Variants in CBX1 observed in about 807,000 individuals in gnomAD.
CBX1 encodes the protein chromobox 1, also known as chromobox protein homolog 1.
In CBX1, 10 loss-of-function variants were observed where a neutral mutation model predicts 25.1. The ratio of observed to expected loss-of-function variants is 0.40; its 90% CI spans 0.25 to 0.68. The LOEUF is 0.68. CBX1 is among the 30% of genes least tolerant of loss of function. The probability of loss-of-function intolerance (pLI) is 0.40; values close to 1 mark genes in which losing one functional copy is unlikely to be tolerated. For missense variants in CBX1, 106 were observed against 218.5 expected, an observed-to-expected ratio of 0.49 and a Z score of 3.25; for synonymous variants, 63 against 79.4, an observed-to-expected ratio of 0.79 and a Z score of 1.10.
At chr17:48,090,463 A>C (rs2063338546) in intron 1 of CBX1, among the ~76,000 whole-genome samples, 1 of 152,140 alleles carries the variant, frequency 6.6e-6, no homozygotes, top group Non-Finnish European at 1.5e-5. Flanking sequence ...TCTCTCACTA[A>C]ATCCTGGTAA....
rs796402995 is a variant in CBX1 at position 48,082,929 on chromosome 17, C to T, written c.-37-5888G>A. 2.5e-4 allele frequency among the ~76,000 whole-genome samples: 37 copies of T among 147,446 alleles called. 3 individuals are homozygous for T. The highest frequency in any genetic ancestry group is 6.7e-4 in the Admixed American group (10 of 14,950). On this transcript the variant is annotated intron_variant, in intron 1 of 4. Transcript: ENST00000225603. Reference sequence around the variant, plus strand: ...TCACCCAGGCTGGAGTGCAACAACGCGATCTCAGCTCACCACCACCTCGGC... The same window carrying T: ...TCACCCAGGCTGGAGTGCAACAACGTGATCTCAGCTCACCACCACCTCGGC...
intron 1 of CBX1, among the ~76,000 whole-genome samples, chr17:48,098,809 C>A (rs2063390387): frequency 6.6e-6 from 1 of 152,224 alleles, no homozygotes. Context: ...AAATCTCTTA[C>A]ACCACTGCAG....
chr17:48,077,067 G>GT, intron 1 of CBX1, 26 bp from the exon 2 acceptor site: 2 of 1,547,554 alleles, frequency 1.3e-6, no homozygotes, highest in Non-Finnish European at 1.7e-6. Flanking sequence ...AAATAAAAAG[G>GT]GCATTAGGGA....
intron 1 of CBX1, among the ~76,000 whole-genome samples, chr17:48,090,335 A>G (rs975131374): frequency 6.6e-6 from 1 of 152,152 alleles, no homozygotes; most frequent in Non-Finnish European, 1.5e-5. Flanking sequence ...TTACATGTAT[A>G]TATTTTTTTC....
intron 1 of CBX1, among the ~76,000 whole-genome samples, chr17:48,077,319 G>T (rs959713247): frequency 6.6e-6 from 1 of 151,022 alleles, no homozygotes; most frequent in African/African-American, 2.4e-5. Flanking sequence ...GCAAAGTGGC[G>T]CAATCTCGGC....
chr17:48,092,370 C>G (rs1383909167), intron 1 of CBX1, among the ~76,000 whole-genome samples: 1 of 151,574 alleles, frequency 6.6e-6, no homozygotes, highest in Non-Finnish European at 1.5e-5. Context: ...GTAATCCCAG[C>G]AGTTTAGGAG....
chr17:48,080,707 G>A (rs1183858916), intron 1 of CBX1, among the ~76,000 whole-genome samples: 1 of 151,136 alleles, frequency 6.6e-6, no homozygotes, highest in Non-Finnish European at 1.5e-5. Context: ...CAGATCACAA[G>A]GTCAGGAGTT....
chr17:48,086,482 G>A (rs1335997985), intron 1 of CBX1, among the ~76,000 whole-genome samples: 2 of 152,200 alleles, frequency 1.3e-5, no homozygotes, highest in African/African-American at 4.8e-5. Context: ...AATTATAAAT[G>A]TGAGGCCATG....
chr17:48,095,298 G>A (rs1211985376), intron 1 of CBX1, among the ~76,000 whole-genome samples: 1 of 152,084 alleles, frequency 6.6e-6, no homozygotes, highest in Non-Finnish European at 1.5e-5. Context: ...CAATAAAGAT[G>A]GATGTCTCAG....
intron 4 of CBX1, 40 bp from the exon 5 acceptor site, chr17:48,071,619 T>C: frequency 1.3e-6 from 2 of 1,555,782 alleles, no homozygotes; most frequent in Non-Finnish European, 1.7e-6. Context: ...GACCAGGTGC[T>C]GGTGGTCTAT....
At position 48,077,044 on chromosome 17, in the gene CBX1, A is replaced by G; in HGVS notation, c.-37-3T>C. On this transcript the variant is annotated splice_polypyrimidine_tract_variant and splice_region_variant and intron_variant, in intron 1 of 4. Coordinates refer to ENST00000225603, the MANE Select transcript of CBX1 (RefSeq NM_001127228.2). ...TTCTGGTGTAAAGGGTGACGCTGCT[A>G]AAATGATAAATGAAATAAAAAGGGC... is the stretch of plus-strand genomic sequence containing the variant. 6.3e-7 allele frequency: 1 copy of G among 1,586,536 alleles called. No individual in the cohort carries two copies. The highest frequency in any genetic ancestry group is 8.6e-7 in the Non-Finnish European group (1 of 1,167,902).
chr17:48,086,095 A>C (rs907924340), intron 1 of CBX1, among the ~76,000 whole-genome samples: 1 of 152,158 alleles, frequency 6.6e-6, no homozygotes, highest in Non-Finnish European at 1.5e-5. Flanking sequence ...CAAAACAAAA[A>C]AAACCCAAAA....
At chr17:48,082,231 G>A (rs1174239026) in intron 1 of CBX1, among the ~76,000 whole-genome samples, 1 of 151,784 alleles carries the variant, frequency 6.6e-6, no homozygotes, top group South Asian at 2.1e-4. Flanking sequence ...GGCTGGGCGT[G>A]GTGGCTCACA....
rs766541351 is a variant in CBX1, at chr17:48,070,109, T to G, written c.*1326A>C. ...CAAAAACTGACAATGTAGTATGAAG[T>G]TTACATTTAAACAAAGTTTACACAG... On this transcript the variant is annotated 3_prime_UTR_variant, in exon 5 of 5. Coordinates refer to ENST00000225603, the MANE Select transcript of CBX1 (RefSeq NM_001127228.2). The G allele has an allele frequency of 2.0e-5, 3 of 152,622 alleles. No individual in the cohort carries two copies. Among genetic ancestry groups the G allele is most frequent in the Non-Finnish European group, 4.4e-5 (3 of 68,034 alleles). The allele number at this position is 152,622 out of a possible 1,614,324, so 9.5% of individuals were successfully genotyped here. A position where few individuals can be genotyped will look rare whatever the true frequency, so the allele number is the denominator to read the frequency against.
chr17:48,076,244 CG>C lies in CBX1; in HGVS notation c.141-67del, dbSNP rs1483600411. On this transcript the variant is annotated intron_variant, in intron 2 of 4. Transcript: ENST00000225603. The stretch of plus-strand genomic sequence containing the variant: ...TAAGTATACTCATACTAAGGATAAT[CG>C]TAAGAGGACAAGACCTCAGATGTCT... 2.8e-5 allele frequency: 35 copies of C among 1,256,472 alleles called. No homozygotes were observed. The African/African-American group carries it at 3.9e-4, about 14-fold the overall frequency. 77.8% of individuals were successfully genotyped at this position (1,256,472 alleles called of 1,614,324 possible).
At chr17:48,099,198 G>A (rs1049730356) in intron 1 of CBX1, among the ~76,000 whole-genome samples, 3 of 152,114 alleles carry the variant, frequency 2.0e-5, no homozygotes, top group African/African-American at 7.2e-5. Flanking sequence ...TGCCTCCCGG[G>A]TTCAAGCGAT....
intron 1 of CBX1, among the ~76,000 whole-genome samples, chr17:48,096,809 T>G (rs1314070263): frequency 6.6e-6 from 1 of 151,742 alleles, no homozygotes; most frequent in African/African-American, 2.4e-5. Flanking sequence ...ACCACCACAG[T>G]GGGCCAGGTG....
At chr17:48,096,448 C>A in intron 1 of CBX1, 1 of 859,306 alleles carries the variant, frequency 1.2e-6, no homozygotes, top group Non-Finnish European at 1.4e-6. Flanking sequence ...AAAGCTAGAC[C>A]AGAATTATGA....
intron 1 of CBX1, among the ~76,000 whole-genome samples, chr17:48,082,501 C>G (rs1357151149): frequency 1.9e-5 from 1 of 53,754 alleles, no homozygotes; most frequent in Non-Finnish European, 3.2e-5. Flanking sequence ...GACTCCATCT[C>G]AAAAAAAAAA....
Sources: allele counts gnomAD v4.1 joint callset (sites outside exome capture counted in the v4.1 genomes callset), GRCh38; gene constraint gnomAD v4.1.1; transcripts MANE v1.5; gene names NCBI Gene and HGNC (gene_info 2026-07-23, HGNC 2026-07-21).